The following ANXA8 variants were observed in gnomAD, a reference collection of about 807,000 sequenced individuals.
ANXA8 encodes the protein annexin A8.
A neutral mutation model predicts 26.8 loss-of-function variants in ANXA8; 9 were observed. The observed-to-expected ratio is 0.34, with a 90% CI of 0.20 to 0.59. The LOEUF (loss-of-function observed/expected upper bound fraction) is 0.59, where lower values mean the gene tolerates loss of function less well. ANXA8 is among the 20% of genes least tolerant of loss of function. The probability of loss-of-function intolerance (pLI) is 0.84; values close to 1 mark genes in which losing one functional copy is unlikely to be tolerated. For missense variants in ANXA8, 83 were observed against 238.5 expected (o/e 0.35, Z 4.29); for synonymous variants, 39 against 94.8 (o/e 0.41, Z 3.42).
chr10:47,696,645 T>A, the ANXA8 span: 1 of 439,132 alleles, frequency 2.3e-6, no homozygotes, highest in Non-Finnish European at 4.0e-6. Context: ...TTTTCATTAG[T>A]AAGAATGAAA....
the ANXA8 span, among the ~76,000 whole-genome samples, chr10:47,639,023 T>C: frequency 9.1e-4 from 137 of 150,624 alleles, 1 homozygote; most frequent in African/African-American, 3.3e-3. Flanking sequence ...TTTCCAAATA[T>C]AGAAATAATT....
chr10:47,468,799 G>A lies in ANXA8; in HGVS notation c.*48C>T, dbSNP rs1839192712. The A allele has an allele frequency of 1.9e-6, 3 of 1,603,364 alleles. No individual in the cohort carries two copies. The highest frequency in any genetic ancestry group is 4.5e-5 in the East Asian group (2 of 44,190). On this transcript the variant is annotated 3_prime_UTR_variant, in exon 12 of 12. Transcript: ENST00000585281. ...GTCCATGGCCGAGGTTGAGTGAGGA[G>A]TCCTGGAGACTCTGGCTTCATGGTC...
chr10:47,514,198 C>A, the ANXA8 span, among the ~76,000 whole-genome samples: 6 of 146,596 alleles, frequency 4.1e-5, no homozygotes, highest in Non-Finnish European at 5.9e-5. Flanking sequence ...ATGGAACCAG[C>A]CCAAATGCCC....
Position 47,474,325 on chromosome 10 carries a change from C to A in ANXA8, c.626G>T (p.Ser209Ile). 1 of 1,551,220 alleles carries A rather than the reference C, an allele frequency of 6.4e-7. No individual in the cohort carries two copies. Among genetic ancestry groups the A allele is most frequent in the Middle Eastern group, 2.3e-4 (1 of 4,306 alleles). The change falls in exon 8 of 12, where the codon AGT (serine) becomes ATT (isoleucine). Residue 209 changes from serine to isoleucine, a missense_variant. Coordinates refer to ENST00000585281, the MANE Select transcript of ANXA8 (RefSeq NM_001040084.3). ...MKFITILCTR[S>I]ATHLLRVFEE... ...GGTACCTCTCAGCAGGTGAGTGGCACTGCGCGTGCACAGGATGGTGATGAA... is the reference window on the plus strand; with the variant it reads ...GGTACCTCTCAGCAGGTGAGTGGCAATGCGCGTGCACAGGATGGTGATGAA...
At chr10:47,526,013 AG>A in the ANXA8 span, among the ~76,000 whole-genome samples, 1 of 137,696 alleles carries the variant, frequency 7.3e-6, no homozygotes, top group Non-Finnish European at 1.6e-5. Flanking sequence ...CATGTTGATC[AG>A]GCCCACCTCA....
At chr10:47,557,861 A>C in the ANXA8 span, among the ~76,000 whole-genome samples, 1 of 151,508 alleles carries the variant, frequency 6.6e-6, no homozygotes, top group African/African-American at 2.4e-5. Context: ...ATTCAAGCTT[A>C]GTCAATTGTG....
At chr10:47,566,237 A>G in the ANXA8 span, among the ~76,000 whole-genome samples, 11 of 151,844 alleles carry the variant, frequency 7.2e-5, no homozygotes, top group African/African-American at 2.4e-4. Context: ...TTAAACCGAA[A>G]CACACGTTTC....
chr10:47,702,932 C>A, the ANXA8 span, among the ~76,000 whole-genome samples: 2 of 149,646 alleles, frequency 1.3e-5, no homozygotes, highest in Non-Finnish European at 3.0e-5. Flanking sequence ...TTGTGCCTGG[C>A]CAACATAGTT....
At chr10:47,685,217 A>T in the ANXA8 span, among the ~76,000 whole-genome samples, 1 of 151,124 alleles carries the variant, frequency 6.6e-6, no homozygotes, top group African/African-American at 2.4e-5. Context: ...ATGGTGGTGC[A>T]TGCCTGTAAT....
chr10:47,683,931 A>G, the ANXA8 span, among the ~76,000 whole-genome samples: 7 of 151,842 alleles, frequency 4.6e-5, no homozygotes, highest in Non-Finnish European at 5.9e-5. Context: ...GTTTTGTAAT[A>G]AGCATTTTTT....
At chr10:47,659,991 A>C in the ANXA8 span, among the ~76,000 whole-genome samples, 11 of 149,058 alleles carry the variant, frequency 7.4e-5, no homozygotes, top group Non-Finnish European at 1.0e-4. Flanking sequence ...TCCTGGGCTT[A>C]AGCTATCCAC....
At chr10:47,743,283 C>CAT in the ANXA8 span, among the ~76,000 whole-genome samples, 37 of 81,970 alleles carry the variant, frequency 4.5e-4, no homozygotes, top group African/African-American at 1.4e-3. Flanking sequence ...TATATACACA[C>CAT]ATATATATAT....
At chr10:47,637,432 T>C in the ANXA8 span, among the ~76,000 whole-genome samples, 1 of 150,216 alleles carries the variant, frequency 6.7e-6, no homozygotes, top group Non-Finnish European at 1.5e-5. Flanking sequence ...CAAAATACTG[T>C]AACATCCTTT....
the ANXA8 span, among the ~76,000 whole-genome samples, chr10:47,771,694 C>T: frequency 1.3e-5 from 2 of 149,994 alleles, no homozygotes; most frequent in African/African-American, 4.9e-5. Flanking sequence ...TTTCTTGCCT[C>T]AGCCTCCTGA....
At chr10:47,914,976 C>A in the ANXA8 span, among the ~76,000 whole-genome samples, 1 of 152,292 alleles carries the variant, frequency 6.6e-6, no homozygotes, top group African/African-American at 2.4e-5. Context: ...GTGTGAGGAT[C>A]TTTGGTTCTC....
chr10:47,733,219 T>TTCTCTTTCTTTC, the ANXA8 span, among the ~76,000 whole-genome samples: 28 of 68,098 alleles, frequency 4.1e-4, 1 homozygote, highest in African/African-American at 1.0e-3. Flanking sequence ...CTTTCTTTCT[T>TTCTCTTTCTTTC]TCTCTTTCTT....
At chr10:47,565,033 C>T in the ANXA8 span, 3 of 814,008 alleles carry the variant, frequency 3.7e-6, no homozygotes, top group Non-Finnish European at 6.6e-6. Flanking sequence ...CTATCGCCAT[C>T]GCCTACATCA....
chr10:47,520,862 G>A, the ANXA8 span, among the ~76,000 whole-genome samples: 10,043 of 89,604 alleles, frequency 0.11, 47 homozygotes, highest in South Asian at 0.17. Context: ...AAAAAAAAAA[G>A]AAGAAGAGGT....
chr10:47,748,203 A>G, the ANXA8 span, among the ~76,000 whole-genome samples: 1 of 149,938 alleles, frequency 6.7e-6, no homozygotes, highest in Non-Finnish European at 1.5e-5. Flanking sequence ...GGCACACTAT[A>G]CTTTTTTTTT....
Sources: gnomAD v4.1 joint callset for allele counts (sites outside exome capture counted in the v4.1 genomes callset) on GRCh38, gnomAD v4.1.1 for gene constraint, MANE v1.5 for transcripts, NCBI Gene and HGNC (gene_info 2026-07-23, HGNC 2026-07-21) for gene names.